TMEM132C: variants seen among roughly 807,000 people sequenced by gnomAD.
TMEM132C encodes transmembrane protein 132C, also known as protein phosphatase 1, regulatory subunit 152.
TMEM132C carries 29 observed loss-of-function variants against 61.4 expected under a neutral mutation model. The observed-to-expected ratio is 0.47, with a 90% CI of 0.35 to 0.64. The LOEUF (loss-of-function observed/expected upper bound fraction) is 0.64, where lower values mean the gene tolerates loss of function less well. Ranked by LOEUF, TMEM132C falls within the 30% of genes least tolerant of loss-of-function variation. The probability of loss-of-function intolerance (pLI) is 0.00; values close to 1 mark genes in which losing one functional copy is unlikely to be tolerated. For missense variants in TMEM132C, 1,408 were observed against 1,476.9 expected, an observed-to-expected ratio of 0.95 and a Z score of 0.76; for synonymous variants, 656 against 633.1, an observed-to-expected ratio of 1.04 and a Z score of -0.54.
intron 4 of TMEM132C, among the ~76,000 whole-genome samples, chr12:128,623,443 A>G (rs891021473): frequency 6.8e-6 from 1 of 146,934 alleles, no homozygotes; most frequent in Non-Finnish European, 1.5e-5. Context: ...ATGTATATAT[A>G]TAATTTTAAA....
At chr12:128,702,112 C>G (rs1040637032) in intron 8 of TMEM132C, among the ~76,000 whole-genome samples, 1 of 152,034 alleles carries the variant, frequency 6.6e-6, no homozygotes, top group Admixed American at 6.6e-5. Context: ...GTTGGCCAGG[C>G]TGGTCTTGAA....
intron 4 of TMEM132C, among the ~76,000 whole-genome samples, chr12:128,635,891 TGAG>T (rs888261256): frequency 2.1e-4 from 32 of 152,078 alleles, no homozygotes; most frequent in African/African-American, 6.5e-4. Context: ...GGCACAAAGG[TGAG>T]GATAAGAGTT....
intron 4 of TMEM132C, among the ~76,000 whole-genome samples, chr12:128,620,517 C>A (rs117490100): frequency 5.3e-5 from 8 of 152,184 alleles, no homozygotes; most frequent in Non-Finnish European, 8.8e-5. Flanking sequence ...CATGGACTTT[C>A]TTCCTACTGC....
At chr12:128,481,887 A>G (rs1009321084) in intron 2 of TMEM132C, among the ~76,000 whole-genome samples, 1 of 152,178 alleles carries the variant, frequency 6.6e-6, no homozygotes, top group African/African-American at 2.4e-5. Flanking sequence ...TAGCCCTTGC[A>G]AAGCTGCTGA....
intron 1 of TMEM132C, among the ~76,000 whole-genome samples, chr12:128,335,467 T>C (rs1872769137): frequency 6.6e-6 from 1 of 152,220 alleles, no homozygotes. Context: ...TGTTGTATTC[T>C]AACTGCCCGT....
chr12:128,482,203 T>C (rs1404515950), intron 2 of TMEM132C, among the ~76,000 whole-genome samples: 1 of 152,164 alleles, frequency 6.6e-6, no homozygotes, highest in African/African-American at 2.4e-5. Flanking sequence ...CGTTTATTGA[T>C]TTGCATATGT....
chr12:128,553,010 G>A (rs1490898400), intron 3 of TMEM132C, among the ~76,000 whole-genome samples: 1 of 152,216 alleles, frequency 6.6e-6, no homozygotes, highest in Non-Finnish European at 1.5e-5. Context: ...TTAGAGAAAG[G>A]GGTTAGCAGG....
chr12:128,465,323 C>G (rs570879658), intron 2 of TMEM132C, among the ~76,000 whole-genome samples: 9 of 152,084 alleles, frequency 5.9e-5, no homozygotes, highest in East Asian at 1.9e-4. Flanking sequence ...CTCAGCCTCC[C>G]GAGTAGCTGG....
intron 1 of TMEM132C, among the ~76,000 whole-genome samples, chr12:128,335,969 C>G (rs1709704): frequency 0.2 from 31,103 of 152,182 alleles, 8,014 homozygotes; most frequent in African/African-American, 0.61. Flanking sequence ...TATTCACAGT[C>G]CTTTATCCCA....
At chr12:128,396,808 C>T (rs992291214) in intron 1 of TMEM132C, among the ~76,000 whole-genome samples, 3 of 152,170 alleles carry the variant, frequency 2.0e-5, no homozygotes, top group Non-Finnish European at 4.4e-5. Flanking sequence ...CGGAGCTGCC[C>T]TCTCCACAGA....
At chr12:128,553,499 T>C (rs1874238527) in intron 3 of TMEM132C, among the ~76,000 whole-genome samples, 1 of 152,240 alleles carries the variant, frequency 6.6e-6, no homozygotes, top group African/African-American at 2.4e-5. Flanking sequence ...TACGTCTCTT[T>C]TGTAACTTAA....
At chr12:128,648,037 G>C (rs1470871606) in intron 4 of TMEM132C, among the ~76,000 whole-genome samples, 1 of 151,194 alleles carries the variant, frequency 6.6e-6, no homozygotes, top group African/African-American at 2.5e-5. Flanking sequence ...CATTGGATGT[G>C]AGTGTGTTTA....
intron 1 of TMEM132C, among the ~76,000 whole-genome samples, chr12:128,406,782 T>A (rs1875362286): frequency 6.6e-6 from 1 of 152,220 alleles, no homozygotes; most frequent in Admixed American, 6.5e-5. Context: ...ATCATCTCAA[T>A]GAACGCTCAT....
chr12:128,655,683 G>A (rs1954319168), intron 4 of TMEM132C, among the ~76,000 whole-genome samples: 1 of 151,884 alleles, frequency 6.6e-6, no homozygotes, highest in African/African-American at 2.4e-5. Context: ...CTCCACAGGG[G>A]CACCCACCAC....
At chr12:128,505,979 A>G (rs542199148) in intron 2 of TMEM132C, among the ~76,000 whole-genome samples, 1 of 152,312 alleles carries the variant, frequency 6.6e-6, no homozygotes, top group South Asian at 2.1e-4. Context: ...GTTCTGCTGC[A>G]TGTAACTGAA....
At chr12:128,581,036 C>T (rs1307717129) in intron 3 of TMEM132C, among the ~76,000 whole-genome samples, 7 of 152,058 alleles carry the variant, frequency 4.6e-5, no homozygotes, top group Non-Finnish European at 1.0e-4. Flanking sequence ...GTTTACAACA[C>T]CAAACCTCCC....
At chr12:128,669,644 T>C (rs1954511908) in intron 5 of TMEM132C, 84 bp downstream of exon 5, 1 of 1,481,852 alleles carries the variant, frequency 6.7e-7, no homozygotes, top group African/African-American at 1.4e-5. Context: ...TAGACTGAAA[T>C]ACATGACGTT....
intron 3 of TMEM132C, among the ~76,000 whole-genome samples, chr12:128,585,826 A>T (rs1254829289): frequency 6.6e-6 from 1 of 152,160 alleles, no homozygotes; most frequent in Non-Finnish European, 1.5e-5. Context: ...CTTAGCAGAG[A>T]TAATTAGAGT....
At chr12:128,641,863 C>T (rs954501497) in intron 4 of TMEM132C, among the ~76,000 whole-genome samples, 1 of 151,984 alleles carries the variant, frequency 6.6e-6, no homozygotes, top group Admixed American at 6.6e-5. Context: ...GGCACGATCT[C>T]GACTCACTGC....
Sources: allele counts gnomAD v4.1 joint callset (sites outside exome capture counted in the v4.1 genomes callset), GRCh38; gene constraint gnomAD v4.1.1; transcripts MANE v1.5; gene names NCBI Gene and HGNC (gene_info 2026-07-23, HGNC 2026-07-21).